The following ZC3H12B variants were observed in gnomAD, a reference collection of about 807,000 sequenced individuals.
ZC3H12B encodes the protein zinc finger CCCH-type containing 12B.
Under a neutral mutation model 43.9 loss-of-function variants are expected in ZC3H12B, and 7 were observed. The ratio of observed to expected loss-of-function variants is 0.16; its 90% CI spans 0.09 to 0.30. ZC3H12B has a LOEUF of 0.30. ZC3H12B is among the 10% of genes least tolerant of loss of function. The pLI is 1.00. For synonymous variants in ZC3H12B, 222 were observed against 241.7 expected (o/e 0.92, Z 0.76); for missense variants, 475 against 670.2 (o/e 0.71, Z 3.22).
the ZC3H12B span, among the ~76,000 whole-genome samples, chrX:65,323,832 T>C: frequency 5.3e-5 from 6 of 112,253 alleles, no homozygotes; most frequent in African/African-American, 1.9e-4. Context: ...TGTTCCCATT[T>C]CTTCTATTCC....
chrX:65,421,058 G>A (rs889798452), intron 3 of ZC3H12B, among the ~76,000 whole-genome samples: 3 of 111,923 alleles, frequency 2.7e-5, no homozygotes, highest in African/African-American at 9.7e-5. Flanking sequence ...AATTCACAGG[G>A]ATATTGATTG....
chrX:65,374,638 G>A (rs1168571295), intron 2 of ZC3H12B, among the ~76,000 whole-genome samples: 4 of 110,203 alleles, frequency 3.6e-5, no homozygotes, highest in African/African-American at 1.3e-4. Context: ...ACTGAAATAG[G>A]CACTGTATTA....
the ZC3H12B span, among the ~76,000 whole-genome samples, chrX:65,138,381 G>T: frequency 1.8e-5 from 2 of 110,871 alleles, no homozygotes; most frequent in Non-Finnish European, 3.8e-5. Context: ...TGTCCTCCAG[G>T]TTCATTCGTA....
At chrX:65,150,151 A>G in the ZC3H12B span, among the ~76,000 whole-genome samples, 3 of 110,339 alleles carry the variant, frequency 2.7e-5, no homozygotes, top group East Asian at 5.7e-4. Context: ...TTCCTTTCCT[A>G]TTGCTACGGT....
chrX:65,222,776 A>G, the ZC3H12B span, among the ~76,000 whole-genome samples: 1 of 110,819 alleles, frequency 9.0e-6, no homozygotes, highest in Non-Finnish European at 1.9e-5. Flanking sequence ...ATGGATGGCT[A>G]GAATCAATAT....
the ZC3H12B span, among the ~76,000 whole-genome samples, chrX:65,147,438 G>A: frequency 1.8e-5 from 2 of 111,581 alleles, no homozygotes; most frequent in Non-Finnish European, 3.8e-5. Context: ...TTTGAGGGTG[G>A]GCCTGGAGCC....
At chrX:65,174,575 C>A in the ZC3H12B span, among the ~76,000 whole-genome samples, 4 of 111,851 alleles carry the variant, frequency 3.6e-5, no homozygotes, top group African/African-American at 1.3e-4. Flanking sequence ...GATGCCCTGC[C>A]AGCGAGGAGG....
chrX:65,358,593 T>A, the ZC3H12B span, among the ~76,000 whole-genome samples: 19 of 110,696 alleles, frequency 1.7e-4, no homozygotes, highest in Non-Finnish European at 3.6e-4. Flanking sequence ...ACTGGGTAAA[T>A]AACGAAATTA....
chrX:65,498,117 C>G (rs1378173838), intron 2 of ZC3H12B, among the ~76,000 whole-genome samples: 1 of 111,124 alleles, frequency 9.0e-6, no homozygotes, highest in Non-Finnish European at 1.9e-5. Flanking sequence ...GTTGCCCAAG[C>G]TGGTCTTGAA....
chrX:65,041,147 T>C, the ZC3H12B span, among the ~76,000 whole-genome samples: 1 of 112,638 alleles, frequency 8.9e-6, no homozygotes, highest in East Asian at 2.8e-4. Flanking sequence ...CAGCAAACTC[T>C]TTATTCAAAA....
the ZC3H12B span, among the ~76,000 whole-genome samples, chrX:65,173,419 C>T: frequency 9.0e-6 from 1 of 111,357 alleles, no homozygotes; most frequent in Non-Finnish European, 1.9e-5. Flanking sequence ...TTATTTTTTT[C>T]TCTTGCCTGA....
chrX:65,099,526 A>T, the ZC3H12B span, among the ~76,000 whole-genome samples: 1 of 111,804 alleles, frequency 8.9e-6, no homozygotes, highest in Non-Finnish European at 1.9e-5. Flanking sequence ...CTTCCAGAGG[A>T]AGGAGTAGGC....
the ZC3H12B span, among the ~76,000 whole-genome samples, chrX:65,215,804 G>C: frequency 3.6e-5 from 4 of 111,728 alleles, no homozygotes; most frequent in African/African-American, 1.3e-4. Flanking sequence ...ATCGTCTCTA[G>C]CCTTTGATTT....
the ZC3H12B span, among the ~76,000 whole-genome samples, chrX:65,121,814 A>G: frequency 9.1e-6 from 1 of 110,297 alleles, no homozygotes; most frequent in Admixed American, 9.7e-5. Flanking sequence ...ACTGCTTTGA[A>G]TGTGTCCCAG....
chrX:65,478,007 T>A (rs1185958119), intron 3 of ZC3H12B, among the ~76,000 whole-genome samples: 5 of 111,245 alleles, frequency 4.5e-5, no homozygotes, highest in Non-Finnish European at 7.5e-5. Flanking sequence ...GCTGTTGATC[T>A]CTCCAGTGGA....
chrX:65,193,752 G>T, the ZC3H12B span, among the ~76,000 whole-genome samples: 1 of 111,840 alleles, frequency 8.9e-6, no homozygotes, highest in African/African-American at 3.2e-5. Context: ...ACTTTTTGGT[G>T]TAGGAATTTT....
chrX:65,075,085 G>C, the ZC3H12B span, among the ~76,000 whole-genome samples: 4 of 111,963 alleles, frequency 3.6e-5, no homozygotes, highest in African/African-American at 1.3e-4. Flanking sequence ...CTTTGTGCAA[G>C]GAAAGACCTT....
the ZC3H12B span, among the ~76,000 whole-genome samples, chrX:65,338,443 A>G: frequency 1.3e-4 from 15 of 112,199 alleles, no homozygotes; most frequent in Non-Finnish European, 2.6e-4. Flanking sequence ...TACAAAGAAG[A>G]GTTGGTACCA....
chrX:65,270,634 A>T, the ZC3H12B span, among the ~76,000 whole-genome samples: 1 of 110,733 alleles, frequency 9.0e-6, no homozygotes, highest in Admixed American at 9.6e-5. Flanking sequence ...AAACCACATA[A>T]CTGATAGAGG....
Sources: allele counts gnomAD v4.1 joint callset (sites outside exome capture counted in the v4.1 genomes callset), GRCh38; gene constraint gnomAD v4.1.1; transcripts MANE v1.5; gene names NCBI Gene and HGNC (gene_info 2026-07-23, HGNC 2026-07-21).